Variants in DOCK4 observed in about 807,000 individuals in gnomAD.
The protein encoded by DOCK4 is dedicator of cytokinesis protein 4.
In DOCK4, 97 loss-of-function variants were observed where a neutral mutation model predicts 268.1. The observed-to-expected ratio is 0.36, with a 90% confidence interval of 0.31 to 0.43. The LOEUF (loss-of-function observed/expected upper bound fraction) is 0.43. Ranked by LOEUF, DOCK4 falls within the 20% of genes least tolerant of loss-of-function variation. DOCK4 has a pLI of 1.00. For synonymous variants in DOCK4, 954 were observed against 887.2 expected (o/e 1.08, Z -1.34); for missense variants, 2,145 against 2,455.7 (o/e 0.87, Z 2.67).
intron 16 of DOCK4, among the ~76,000 whole-genome samples, chr7:111,894,473 G>C (rs1219034714): frequency 1.3e-5 from 2 of 152,190 alleles, no homozygotes; most frequent in East Asian, 3.9e-4. Context: ...GGTAAGAGAT[G>C]TGTGCAGATA....
chr7:111,984,523 G>A (rs1329024825), intron 6 of DOCK4, 133 bp from the exon 7 acceptor site: 11 of 697,748 alleles, frequency 1.6e-5, no homozygotes, highest in Non-Finnish European at 2.7e-5. Context: ...TGTATGACTT[G>A]TTACCACAGT....
intron 1 of DOCK4, among the ~76,000 whole-genome samples, chr7:112,006,717 A>G (rs1179629433): frequency 2.6e-5 from 4 of 152,220 alleles, no homozygotes; most frequent in South Asian, 2.1e-4. Context: ...GACATGGCAT[A>G]GTACTTACCA....
chr7:112,048,478 G>A (rs1041607232), intron 1 of DOCK4, among the ~76,000 whole-genome samples: 12 of 150,154 alleles, frequency 8.0e-5, no homozygotes, highest in African/African-American at 1.2e-4. Flanking sequence ...CAGGAGAATC[G>A]CTTGACCCCA....
At chr7:111,744,083 T>G (rs1210349263) in intron 44 of DOCK4, among the ~76,000 whole-genome samples, 2 of 152,182 alleles carry the variant, frequency 1.3e-5, no homozygotes, top group Admixed American at 6.5e-5. Context: ...CCTCTGGACC[T>G]TTAATGGTCT....
chr7:111,739,625 CAAAG>C (rs1171516478), intron 47 of DOCK4, 148 bp from the exon 48 acceptor site: 6 of 662,848 alleles, frequency 9.1e-6, no homozygotes, highest in African/African-American at 5.5e-5. Flanking sequence ...CTTAGATTGA[CAAAG>C]AAGTCTGCAT....
rs1029409903 is a variant in DOCK4, at chr7:111,866,676, T to TA, written c.2280+1307dup. Among the ~76,000 whole-genome samples the TA allele has an allele frequency of 1.2e-3, 170 of 147,184 alleles. 2 individuals are homozygous for TA. Among genetic ancestry groups the TA allele is most frequent in the South Asian group, 7.3e-3 (34 of 4,646 alleles). Reference sequence around the variant, plus strand: ...CCAGGATCCAGTGGTACAACTAAGGTAAAAAAAAAAGTCTCCTGAATCCCT... The same window carrying TA: ...CCAGGATCCAGTGGTACAACTAAGGTAAAAAAAAAAAGTCTCCTGAATCCCT... On this transcript the variant is annotated intron_variant, in intron 22 of 52. Transcript: ENST00000428084.
At chr7:112,169,634 G>A (rs1368039438) in intron 1 of DOCK4, among the ~76,000 whole-genome samples, 1 of 152,166 alleles carries the variant, frequency 6.6e-6, no homozygotes, top group Non-Finnish European at 1.5e-5. Context: ...TCATGCATCT[G>A]TCGACCATCC....
intron 43 of DOCK4, 98 bp from the exon 44 acceptor site, chr7:111,746,515 C>T: frequency 1.1e-6 from 1 of 890,924 alleles, no homozygotes; most frequent in Non-Finnish European, 1.8e-6. Context: ...GGAAATGACA[C>T]CATTACAAAC....
chr7:112,160,816 G>A (rs890508952), intron 1 of DOCK4, among the ~76,000 whole-genome samples: 3 of 152,090 alleles, frequency 2.0e-5, no homozygotes, highest in Non-Finnish European at 4.4e-5. Context: ...AGATCCTATC[G>A]CGGCATTCAT....
At chr7:111,758,821 A>G (rs969662227) in intron 40 of DOCK4, 31 bp from the exon 41 acceptor site, 6 of 1,609,022 alleles carry the variant, frequency 3.7e-6, no homozygotes, top group Non-Finnish European at 4.2e-6. Flanking sequence ...AGAGAACCTG[A>G]CTTGGCAAAC....
chr7:111,744,225 C>A (rs929375070), intron 44 of DOCK4, among the ~76,000 whole-genome samples: 12 of 152,268 alleles, frequency 7.9e-5, no homozygotes, highest in Admixed American at 7.2e-4. Flanking sequence ...CCCTGAAGGG[C>A]CTGACAGCTG....
chr7:111,802,503 T>C (rs118045511), intron 30 of DOCK4, among the ~76,000 whole-genome samples: 2,052 of 152,230 alleles, frequency 0.013, 22 homozygotes, highest in Non-Finnish European at 0.021. Flanking sequence ...AGAGAGGGAA[T>C]ACAAAATGAA....
chr7:112,068,966 T>C (rs188812617), intron 1 of DOCK4, among the ~76,000 whole-genome samples: 46 of 152,276 alleles, frequency 3.0e-4, no homozygotes, highest in Non-Finnish European at 6.2e-4. Flanking sequence ...ATGAATGATA[T>C]CATTAGGAAG....
intron 36 of DOCK4, among the ~76,000 whole-genome samples, chr7:111,775,764 G>A (rs1342922666): frequency 2.6e-5 from 4 of 152,208 alleles, no homozygotes; most frequent in Non-Finnish European, 5.9e-5. Context: ...GGGGGCAGTG[G>A]CAGTGGCAGT....
intron 30 of DOCK4, among the ~76,000 whole-genome samples, chr7:111,792,518 G>A (rs1799617521): frequency 6.6e-6 from 1 of 152,032 alleles, no homozygotes; most frequent in African/African-American, 2.4e-5. Context: ...GAGTAGCTAG[G>A]GTTACAGGCA....
At chr7:111,851,825 C>A (rs1417725359) in intron 23 of DOCK4, among the ~76,000 whole-genome samples, 1 of 152,056 alleles carries the variant, frequency 6.6e-6, no homozygotes, top group Non-Finnish European at 1.5e-5. Context: ...AAGTGTTATT[C>A]TCCTTTCTTC....
rs1802061503 is a variant in DOCK4, at chr7:111,822,435, T to TAA, written c.2855_2856dup (p.Thr953LeufsTer7). The TAA allele has an allele frequency of 6.2e-7, 1 of 1,613,084 alleles. No individual in the cohort carries two copies. The highest frequency in any genetic ancestry group is 1.3e-5 in the African/African-American group (1 of 74,914). ...GGGCGTATCAATATTCGGAACACAG[T>TAA]AAATATCTGCAGCAGGAAATCCTTG... On this transcript the variant is annotated frameshift_variant, in exon 27 of 53. Coordinates refer to ENST00000428084, the MANE Select transcript of DOCK4 (RefSeq NM_001363540.2). LOFTEE classifies it high-confidence loss of function.
intron 26 of DOCK4, 86 bp downstream of exon 26, chr7:111,834,502 G>A (rs147130083): frequency 5.8e-6 from 6 of 1,040,984 alleles, no homozygotes; most frequent in East Asian, 2.7e-5. Context: ...TAAAGCAATT[G>A]TCTAGGATTT....
At chr7:111,746,814 CTTTTTTTTTTTTT>C (rs59197701) in intron 43 of DOCK4, among the ~76,000 whole-genome samples, 4 of 110,912 alleles carry the variant, frequency 3.6e-5, no homozygotes, top group Non-Finnish European at 5.3e-5. Context: ...TCGGTCTTAT[CTTTTTTTTTTTTT>C]TTTTTTTTTT....
Sources: allele counts gnomAD v4.1 joint callset (sites outside exome capture counted in the v4.1 genomes callset), GRCh38; gene constraint gnomAD v4.1.1; transcripts MANE v1.5; gene names NCBI Gene and HGNC (gene_info 2026-07-23, HGNC 2026-07-21).